Variants in MTMR1 observed in about 807,000 individuals in gnomAD.
MTMR1 encodes phosphatidylinositol-3-phosphate phosphatase MTMR1.
A neutral mutation model predicts 51.6 loss-of-function variants in MTMR1; 17 were observed. The observed-to-expected ratio is 0.33, with a 90% CI of 0.23 to 0.49. MTMR1 has a LOEUF of 0.49. MTMR1 is among the 20% of genes least tolerant of loss of function. The pLI, the probability that MTMR1 is intolerant of heterozygous loss-of-function variation, is 0.99. For missense variants in MTMR1, 386 were observed against 526.9 expected (o/e 0.73, Z 2.62); for synonymous variants, 201 against 205.6 (o/e 0.98, Z 0.19).
At chrX:150,709,527 T>C (rs1047603956) in intron 2 of MTMR1, among the ~76,000 whole-genome samples, 11 of 112,414 alleles carry the variant, frequency 9.8e-5, no homozygotes, top group African/African-American at 3.6e-4. Flanking sequence ...TGTTCTCACG[T>C]TGCTATAAAG....
At chrX:150,702,906 T>C (rs1215446741) in intron 2 of MTMR1, among the ~76,000 whole-genome samples, 1 of 111,892 alleles carries the variant, frequency 8.9e-6, no homozygotes, top group Non-Finnish European at 1.9e-5. Flanking sequence ...AAATGCCTGA[T>C]TTAATACCGA....
intron 2 of MTMR1, among the ~76,000 whole-genome samples, chrX:150,701,583 C>G (rs1481130668): frequency 8.9e-6 from 1 of 112,165 alleles, no homozygotes; most frequent in Non-Finnish European, 1.9e-5. Flanking sequence ...AACAGGCTGT[C>G]GAGAATGGTT....
At chrX:150,731,042 T>G (rs1321536288) in intron 8 of MTMR1, among the ~76,000 whole-genome samples, 1 of 112,216 alleles carries the variant, frequency 8.9e-6, no homozygotes, top group Non-Finnish European at 1.9e-5. Flanking sequence ...TAAGATCTTA[T>G]TTTCATGACG....
At chrX:150,695,661 C>CA (rs1320332641) in intron 1 of MTMR1, among the ~76,000 whole-genome samples, 1 of 111,806 alleles carries the variant, frequency 8.9e-6, no homozygotes, top group Non-Finnish European at 1.9e-5. Flanking sequence ...CTGGACATAT[C>CA]AATTTTGAGA....
chrX:150,750,926 G>A lies in MTMR1; in HGVS notation c.1680+83G>A, dbSNP rs1387577036. 3 of 1,028,022 alleles carry A rather than the reference G, an allele frequency of 2.9e-6. No homozygotes were observed. In the East Asian group the frequency reaches 9.3e-5, roughly 32 times the overall value. 84.7% of individuals were successfully genotyped at this position (1,028,022 alleles called of 1,213,427 possible). A position where few individuals can be genotyped will look rare whatever the true frequency, so the allele number is the denominator to read the frequency against. Reference sequence around the variant, plus strand: ...GAAGTGCTACTGTAGGAGGGCTGAGGGGAGGGAGGACTGCGCTCTGGTGCT... The same window carrying A: ...GAAGTGCTACTGTAGGAGGGCTGAGAGGAGGGAGGACTGCGCTCTGGTGCT... On this transcript the variant is annotated intron_variant, in intron 14 of 15. Coordinates refer to ENST00000445323, the MANE Select transcript of MTMR1 (RefSeq NM_001306144.3).
rs181247326 is a variant in MTMR1, at chrX:150,762,225, G to A, written c.1858-340G>A. Among the ~76,000 whole-genome samples the A allele has an allele frequency of 2.0e-3, 229 of 113,015 alleles. 3 individuals are homozygous for A. The Middle Eastern group carries it at 0.023, about 11-fold the overall frequency. The stretch of plus-strand genomic sequence containing the variant: ...ACGCACAGTCTTTAGGACACTGCTC[G>A]TGCCGAGTCTGCACACGGCGCCCTC... On this transcript the variant is annotated intron_variant, in intron 15 of 15. Transcript: ENST00000445323.
rs782090686 is a variant in MTMR1 at position 150,763,948 on chromosome X, CTCT to C, written c.*1220_*1222del. ...ACTTGAGCGCCATAGCTCTGAGCTC[CTCT>C]GTGTGACATGCCACAGATGACTATT... On this transcript the variant is annotated 3_prime_UTR_variant, in exon 16 of 16. Coordinates refer to ENST00000445323, the MANE Select transcript of MTMR1 (RefSeq NM_001306144.3). The C allele has an allele frequency of 1.8e-5, 2 of 112,752 alleles. No individual in the cohort carries two copies. Among genetic ancestry groups the C allele is most frequent in the Non-Finnish European group, 3.8e-5 (2 of 53,322 alleles). 9.3% of individuals were successfully genotyped at this position (112,752 alleles called of 1,213,427 possible).
rs564249035 is a variant in MTMR1 at position 150,760,000 on chromosome X, A to T, written c.1858-2565A>T. On this transcript the variant is annotated intron_variant, in intron 15 of 15. Transcript: ENST00000445323. ...GATCTGCAGCAGGGTCCTGAGCCTC[A>T]CGGGGACCTCACAGGGGGTTGCTGA... Among the ~76,000 whole-genome samples the T allele has an allele frequency of 1.6e-4, 18 of 109,633 alleles. 1 individual carries two copies. The South Asian group carries it at 6.3e-3, about 38-fold the overall frequency.
Position 150,727,679 on chromosome X carries a change from C to T in MTMR1, c.448-5C>T. On this transcript the variant is annotated splice_region_variant and splice_polypyrimidine_tract_variant and intron_variant, in intron 5 of 15. Transcript: ENST00000445323. ...ATAGGCATTGATCTTAATTTTTGAA[C>T]CTAGGACCCGCATTTTATCCTTGAT... is the stretch of plus-strand genomic sequence containing the variant. 1 of 1,199,565 alleles carries T rather than the reference C, an allele frequency of 8.3e-7. No individual in the cohort carries two copies. Among genetic ancestry groups the T allele is most frequent in the South Asian group, 1.8e-5 (1 of 55,917 alleles).
At chrX:150,723,118 T>C (rs1391660144) in intron 4 of MTMR1, among the ~76,000 whole-genome samples, 1 of 109,079 alleles carries the variant, frequency 9.2e-6, no homozygotes, top group Non-Finnish European at 1.9e-5. Context: ...TTTTTTGTCC[T>C]TGTGATAGTT....
Position 150,738,799 on chromosome X carries a change from G to A in MTMR1, c.1473+1351G>A, listed in dbSNP as rs1165580238. ...AATATGGACACATTGCTGAGCTACC[G>A]AATGTTCAGGCCTCAATTTTGGGGA... On this transcript the variant is annotated intron_variant, in intron 12 of 15. Transcript: ENST00000445323. 3.6e-5 allele frequency among the ~76,000 whole-genome samples: 4 copies of A among 111,723 alleles called. No homozygotes were observed. The South Asian group carries it at 1.5e-3, about 42-fold the overall frequency.
intron 15 of MTMR1, among the ~76,000 whole-genome samples, chrX:150,760,424 G>C (rs186912471): frequency 9.0e-6 from 1 of 111,611 alleles, no homozygotes; most frequent in East Asian, 2.8e-4. Flanking sequence ...GGGTTCTTTG[G>C]GCATCCATCA....
chrX:150,755,998 G>T, intron 15 of MTMR1, 133 bp downstream of exon 15: 1 of 530,288 alleles, frequency 1.9e-6, no homozygotes, highest in Non-Finnish European at 3.0e-6. Flanking sequence ...TCCTGTCAGG[G>T]TTCAATCCTT....
intron 12 of MTMR1, among the ~76,000 whole-genome samples, chrX:150,740,947 AT>A (rs1181539253): frequency 9.0e-6 from 1 of 111,210 alleles, no homozygotes; most frequent in Non-Finnish European, 1.9e-5. Flanking sequence ...GGAGGGATTA[AT>A]TTATTTATGA....
intron 1 of MTMR1, among the ~76,000 whole-genome samples, chrX:150,698,678 GCGCACACACACACACACACA>G (rs1267325376): frequency 2.4e-4 from 17 of 70,806 alleles, no homozygotes; most frequent in Admixed American, 1.1e-3. Context: ...CTACACGCGC[GCGCACACACACACACACACA>G]CACACACACA....
chrX:150,711,375 A>G (rs1419334328), intron 2 of MTMR1, among the ~76,000 whole-genome samples: 1 of 112,587 alleles, frequency 8.9e-6, no homozygotes, highest in Non-Finnish European at 1.9e-5. Context: ...GAGTGAAACC[A>G]TAAAACTAGT....
intron 12 of MTMR1, 36 bp from the exon 13 acceptor site, chrX:150,744,325 A>C: frequency 8.9e-7 from 1 of 1,123,744 alleles, no homozygotes; most frequent in Non-Finnish European, 1.2e-6. Flanking sequence ...GGACTATAAC[A>C]TACGTTAAAA....
At chrX:150,736,907 A>G (rs1168200426) in intron 11 of MTMR1, 127 bp downstream of exon 11, 4 of 665,634 alleles carry the variant, frequency 6.0e-6, no homozygotes, top group Non-Finnish European at 8.6e-6. Flanking sequence ...GTTTCCATGG[A>G]CAGCATCAGA....
chrX:150,744,739 C>G (rs1273553452), intron 13 of MTMR1, among the ~76,000 whole-genome samples: 1 of 112,032 alleles, frequency 8.9e-6, no homozygotes, highest in Non-Finnish European at 1.9e-5. Flanking sequence ...TGCTCCCCTT[C>G]AAAAGGTTAA....
Sources: gnomAD v4.1 joint callset for allele counts (sites outside exome capture counted in the v4.1 genomes callset) on GRCh38, gnomAD v4.1.1 for gene constraint, MANE v1.5 for transcripts, NCBI Gene and HGNC (gene_info 2026-07-23, HGNC 2026-07-21) for gene names.